The following CDC42BPA variants were observed in gnomAD, a reference collection of about 807,000 sequenced individuals.
The protein encoded by CDC42BPA is CDC42 binding protein kinase alpha.
Under a neutral mutation model 223.5 loss-of-function variants are expected in CDC42BPA, and 80 were observed. The observed-to-expected ratio is 0.36, with a 90% confidence interval of 0.30 to 0.43. The LOEUF is 0.43. CDC42BPA is among the 20% of genes least tolerant of loss of function. The pLI is 1.00. For synonymous variants in CDC42BPA, 694 were observed against 718.6 expected (o/e 0.97, Z 0.55); for missense variants, 1,743 against 2,099.9 (o/e 0.83, Z 3.32).
rs780783510 is a variant in CDC42BPA, at chr1:227,026,094, C to A, written c.4491G>T (p.Val1497=). Residue 1497 remains valine, a synonymous_variant, in exon 31 of 37, where the codon GTG becomes GTT. Transcript: ENST00000366766. Reference sequence around the variant, plus strand: ...GAGTCTGAATCCATTCCATGGAGTTCACATCAAAGATATCAACTGCATTTT... The same window carrying A: ...GAGTCTGAATCCATTCCATGGAGTTAACATCAAAGATATCAACTGCATTTT... ...YSENAVDIFD[V]NSMEWIQTLP... is the part of the protein sequence containing the mutation. 1.2e-6 allele frequency: 2 copies of A among 1,607,366 alleles called. No individual in the cohort carries two copies. Among genetic ancestry groups the A allele is most frequent in the South Asian group, 2.2e-5 (2 of 90,378 alleles).
chr1:227,148,436 C>G (rs1334598902), intron 6 of CDC42BPA, among the ~76,000 whole-genome samples: 1 of 152,110 alleles, frequency 6.6e-6, no homozygotes, highest in East Asian at 1.9e-4. Flanking sequence ...AAGTAGAATA[C>G]CAGTTAATAT....
chr1:227,310,687 T>A (rs903488858), intron 1 of CDC42BPA, among the ~76,000 whole-genome samples: 2 of 129,308 alleles, frequency 1.5e-5, no homozygotes, highest in Non-Finnish European at 3.3e-5. Flanking sequence ...TTTTTTTTTG[T>A]TTTTTGTTTT....
At chr1:227,227,620 T>C (rs1005358861) in intron 2 of CDC42BPA, among the ~76,000 whole-genome samples, 8 of 152,316 alleles carry the variant, frequency 5.3e-5, no homozygotes, top group South Asian at 4.1e-4. Flanking sequence ...AGAATACTAA[T>C]GGATATCCAG....
At chr1:227,218,703 C>T (rs557765813) in intron 2 of CDC42BPA, among the ~76,000 whole-genome samples, 2 of 152,292 alleles carry the variant, frequency 1.3e-5, no homozygotes, top group Non-Finnish European at 2.9e-5. Context: ...TCCCATTCAT[C>T]ATACCTATAA....
intron 14 of CDC42BPA, among the ~76,000 whole-genome samples, chr1:227,102,409 C>G (rs914260505): frequency 1.3e-5 from 2 of 152,192 alleles, no homozygotes; most frequent in South Asian, 2.1e-4. Context: ...AAGGCAGATT[C>G]TTGCTCTGAA....
rs1261353297 is a variant in CDC42BPA, at chr1:227,044,205, T to C, written c.3093+3722A>G. Among the ~76,000 whole-genome samples, 3 of 152,224 alleles carry C rather than the reference T, an allele frequency of 2.0e-5. No individual in the cohort carries two copies. The East Asian group carries it at 5.8e-4, about 29-fold the overall frequency. On this transcript the variant is annotated intron_variant, in intron 23 of 36. Transcript: ENST00000366766. The stretch of plus-strand genomic sequence containing the variant: ...TCAATGGGATTTCTAGTCTTTTTCA[T>C]ATGGAGTTGCAGGAGTTTCTTATGT...
chr1:227,120,324 T>A (rs1688447833), intron 11 of CDC42BPA, among the ~76,000 whole-genome samples: 1 of 152,236 alleles, frequency 6.6e-6, no homozygotes, highest in South Asian at 2.1e-4. Context: ...AATTACCGTG[T>A]AAGACGGTTT....
chr1:227,034,829 C>A, intron 25 of CDC42BPA, 35 bp from the exon 26 acceptor site: 1 of 1,336,630 alleles, frequency 7.5e-7, no homozygotes, highest in Non-Finnish European at 1.0e-6. Flanking sequence ...ACAGCCAAAA[C>A]AACTCAAATG....
Position 227,210,558 on chromosome 1 carries a change from A to G in CDC42BPA, c.354+2578T>C, listed in dbSNP as rs996014944. Among the ~76,000 whole-genome samples the G allele has an allele frequency of 5.3e-5, 8 of 152,206 alleles. 1 individual carries two copies. Among genetic ancestry groups the G allele is most frequent in the African/African-American group, 1.9e-4 (8 of 41,456 alleles). On this transcript the variant is annotated intron_variant, in intron 3 of 36. Transcript: ENST00000366766. ...TGAATAAAATATTTGATTTTAAATT[A>G]TACTGTTTTATTTTGAATTTTGCCA...
intron 1 of CDC42BPA, among the ~76,000 whole-genome samples, chr1:227,273,765 T>C (rs1686389716): frequency 6.6e-6 from 1 of 151,284 alleles, no homozygotes; most frequent in South Asian, 2.1e-4. Context: ...AGGACAATAG[T>C]TCGTTCTAAC....
chr1:227,047,739 T>C (rs1212608202), intron 23 of CDC42BPA, among the ~76,000 whole-genome samples, 188 bp downstream of exon 23: 5 of 152,168 alleles, frequency 3.3e-5, no homozygotes, highest in Admixed American at 2.6e-4. Flanking sequence ...TTTAAGAAGA[T>C]GAAAAAGTGC....
Position 227,016,974 on chromosome 1 carries a change from C to T in CDC42BPA, c.4692G>A (p.Arg1564=), listed in dbSNP as rs748479226. The part of the protein sequence containing the change: ...KQMVRNINNK[R]RYSFRVPEEE... ...CTTCTGGGACTCTGAAGGAATAACG[C>T]CGCTTATTGTTAATGTTTCTAACCA... The change falls in exon 33 of 37, where the codon CGG becomes CGA. Residue 1564 remains arginine (R), a synonymous_variant. Transcript: ENST00000366766. The T allele has an allele frequency of 3.7e-6, 6 of 1,613,266 alleles. No homozygotes were observed. The highest frequency in any genetic ancestry group is 5.1e-6 in the Non-Finnish European group (6 of 1,179,556).
intron 15 of CDC42BPA, among the ~76,000 whole-genome samples, chr1:227,096,980 C>T (rs1241750443): frequency 6.6e-6 from 1 of 152,112 alleles, no homozygotes; most frequent in African/African-American, 2.4e-5. Flanking sequence ...CCCACCACCC[C>T]ATCTATGTCC....
At chr1:227,255,824 C>T (rs530234548) in intron 1 of CDC42BPA, among the ~76,000 whole-genome samples, 1 of 152,234 alleles carries the variant, frequency 6.6e-6, no homozygotes, top group African/African-American at 2.4e-5. Flanking sequence ...AATGAAAAGA[C>T]ATCCAGTATT....
chr1:227,152,422 A>G (rs2149731500), intron 6 of CDC42BPA, among the ~76,000 whole-genome samples: 1 of 152,228 alleles, frequency 6.6e-6, no homozygotes, highest in East Asian at 1.9e-4. Context: ...ACGTTGAGTT[A>G]ATTACAGTGT....
In CDC42BPA at chr1:226,994,323, C is replaced by A. The variant is rs145018031; in HGVS notation, c.5210G>T (p.Arg1737Leu). 1.9e-6 allele frequency: 3 copies of A among 1,598,164 alleles called. No individual in the cohort carries two copies. The highest frequency in any genetic ancestry group is 3.4e-5 in the Admixed American group (2 of 58,420). ...LSSPPSPASP[R>L]KTKSLSLEST... ...CTCCAGGGAGAGGCTCTTGGTTTTT[C>A]GGGGTGAAGCTGGGCTTGGGGGGCT... The change falls in exon 37 of 37, where the codon CGA becomes CTA. Residue 1737 changes from arginine to leucine, a missense_variant. Transcript: ENST00000366766. The surrounding 1 kb of genome is among the most constrained non-coding windows in gnomAD (Gnocchi z 4.0).
chr1:227,313,550 C>T (rs991512805), intron 1 of CDC42BPA, among the ~76,000 whole-genome samples: 5 of 151,952 alleles, frequency 3.3e-5, no homozygotes, highest in Non-Finnish European at 7.4e-5. Context: ...AGTACCCAAC[C>T]AATATTGCTG....
chr1:227,166,658 AG>A (rs1665087657), intron 5 of CDC42BPA, among the ~76,000 whole-genome samples: 1 of 152,202 alleles, frequency 6.6e-6, no homozygotes, highest in Admixed American at 6.5e-5. Flanking sequence ...ATGTGAACTA[AG>A]CTGAACTTAT....
intron 1 of CDC42BPA, among the ~76,000 whole-genome samples, chr1:227,298,305 T>C (rs1049893780): frequency 1.6e-4 from 25 of 151,876 alleles, no homozygotes; most frequent in Non-Finnish European, 4.4e-5. Context: ...TATGACAAAA[T>C]AGTACCAGAA....
Sources: gnomAD v4.1 joint callset for allele counts (sites outside exome capture counted in the v4.1 genomes callset) on GRCh38, gnomAD v4.1.1 for gene constraint, Gnocchi (gnomAD v3.1) non-coding constraint, MANE v1.5 for transcripts, NCBI Gene and HGNC (gene_info 2026-07-23, HGNC 2026-07-21) for gene names.